STK32B: variants seen among roughly 807,000 people sequenced by gnomAD.
STK32B encodes the protein serine/threonine kinase 32B, also known as serine/threonine-protein kinase 32B.
In STK32B, 43 loss-of-function variants were observed where a neutral mutation model predicts 52.6. The ratio of observed to expected loss-of-function variants is 0.82; its 90% CI spans 0.64 to 1.05. STK32B has a LOEUF of 1.05. STK32B is among the 50% of genes least tolerant of loss of function. The pLI is 0.00. For synonymous variants in STK32B, 238 were observed against 204.3 expected (o/e 1.17, Z -1.41); for missense variants, 621 against 534.6 (o/e 1.16, Z -1.59).
rs375685115 is a variant in STK32B, at chr4:5,215,263, G to A, written c.260+46813G>A. Among the ~76,000 whole-genome samples the A allele has an allele frequency of 1.3e-4, 20 of 152,338 alleles. No homozygotes were observed. The South Asian group carries it at 4.1e-3, about 32-fold the overall frequency. ...TCTTGGAATCTGCAGGGACAGTGAT[G>A]TGAACTGCAATTCTCAACAGTTAGT... On this transcript the variant is annotated intron_variant, in intron 3 of 11. Coordinates refer to ENST00000282908, the MANE Select transcript of STK32B (RefSeq NM_018401.3).
intron 3 of STK32B, among the ~76,000 whole-genome samples, chr4:5,210,047 G>A (rs576167827): frequency 3.9e-5 from 6 of 152,254 alleles, no homozygotes; most frequent in African/African-American, 9.6e-5. Context: ...TAAATTGTGC[G>A]TCATTGAAGC....
chr4:5,070,906 G>A (rs1711727686), intron 1 of STK32B, among the ~76,000 whole-genome samples: 1 of 152,116 alleles, frequency 6.6e-6, no homozygotes, highest in Admixed American at 6.6e-5. Flanking sequence ...ACAAGAAGGC[G>A]TTCCTAGGCA....
chr4:5,176,361 A>G (rs2108747652), intron 3 of STK32B, among the ~76,000 whole-genome samples: 1 of 151,924 alleles, frequency 6.6e-6, no homozygotes, highest in Non-Finnish European at 1.5e-5. Context: ...CCTCAGTTCG[A>G]AATGCAGAAA....
At position 5,460,212 on chromosome 4, in the gene STK32B, C is replaced by T; in HGVS notation, c.893C>T (p.Pro298Leu). The T allele has an allele frequency of 1.2e-6, 2 of 1,612,922 alleles. No individual in the cohort carries two copies. Among genetic ancestry groups the T allele is most frequent in the Non-Finnish European group, 8.5e-7 (1 of 1,179,414 alleles). ...WDAVFKKALM[P>L]GFVPNKGRLN... The stretch of plus-strand genomic sequence containing the variant: ...GCGGTGTTCAAGAAGGCACTGATGC[C>T]CGGCTTTGTGCCCAATGTGAGTGGA... The change falls in exon 9 of 12, where the codon CCC (proline) becomes CTC (leucine). Residue 298 changes from proline (P) to leucine (L), a missense_variant. Physicochemically the swap from Pro to Leu is moderately conservative, Grantham distance 98. Transcript: ENST00000282908. This position sits in a 1 kb window ranked among gnomAD's most constrained non-coding sequence, Gnocchi z 4.8.
chr4:5,248,725 A>G (rs187527581), intron 3 of STK32B, among the ~76,000 whole-genome samples: 84 of 152,296 alleles, frequency 5.5e-4, no homozygotes, highest in African/African-American at 1.9e-3. Context: ...GCACATATAC[A>G]CCGTGGAATA....
rs749253750 is a variant in STK32B, at chr4:5,453,546, G to A, written c.667-3261G>A. ...TTTGCACCTCCTTTTCAGGGTAGGG[G>A]TGGGACTGTTTTGGGCAGAACTGTT... On this transcript the variant is annotated intron_variant, in intron 7 of 11. Transcript: ENST00000282908. This position sits in a 1 kb window ranked among gnomAD's most constrained non-coding sequence, Gnocchi z 4.0. 6.6e-6 allele frequency among the ~76,000 whole-genome samples: 1 copy of A among 152,040 alleles called. No homozygotes were observed. Among genetic ancestry groups the A allele is most frequent in the Non-Finnish European group, 1.5e-5 (1 of 68,024 alleles).
intron 1 of STK32B, among the ~76,000 whole-genome samples, chr4:5,108,005 A>C (rs535095569): frequency 6.6e-6 from 1 of 152,330 alleles, no homozygotes; most frequent in East Asian, 1.9e-4. Context: ...CACATCAATA[A>C]ATGCAACATT....
At chr4:5,167,836 G>A (rs1718998593) in intron 2 of STK32B, among the ~76,000 whole-genome samples, 1 of 152,228 alleles carries the variant, frequency 6.6e-6, no homozygotes, top group Non-Finnish European at 1.5e-5. Context: ...CTCAGGGAGA[G>A]AAATGCAGGA....
intron 5 of STK32B, among the ~76,000 whole-genome samples, chr4:5,411,438 TAACAATGA>T (rs1711668318): frequency 6.6e-6 from 1 of 152,134 alleles, no homozygotes; most frequent in Admixed American, 6.5e-5. Context: ...AGACAAAAAG[TAACAATGA>T]AACAATAAAA....
chr4:5,335,194 G>A (rs539541906), intron 4 of STK32B, among the ~76,000 whole-genome samples: 7 of 152,076 alleles, frequency 4.6e-5, no homozygotes, highest in Non-Finnish European at 1.0e-4. Flanking sequence ...CTTCTTCCTG[G>A]TTTAGTCTTG....
chr4:5,246,958 C>A (rs187567160), intron 3 of STK32B, among the ~76,000 whole-genome samples: 1 of 152,268 alleles, frequency 6.6e-6, no homozygotes, highest in Admixed American at 6.5e-5. Context: ...AAGTACCCGG[C>A]TGTATAAGGT....
At chr4:5,250,720 G>A (rs1018206233) in intron 3 of STK32B, among the ~76,000 whole-genome samples, 1 of 152,082 alleles carries the variant, frequency 6.6e-6, no homozygotes, top group East Asian at 1.9e-4. Flanking sequence ...AACCTCTCCA[G>A]CAATTGTTAT....
At position 5,450,447 on chromosome 4, in the gene STK32B, T is replaced by G. The variant is rs113587411; in HGVS notation, c.666+3671T>G. On this transcript the variant is annotated intron_variant, in intron 7 of 11. Coordinates refer to ENST00000282908, the MANE Select transcript of STK32B (RefSeq NM_018401.3). ...ATCTGTTCATTGATTATCCTCAGGA[T>G]CCAGGGAGCGTTGTACCTCCAGAAA... Among the ~76,000 whole-genome samples, 125 of 152,302 alleles carry G rather than the reference T, an allele frequency of 8.2e-4. 1 individual carries two copies. The highest frequency in any genetic ancestry group is 2.9e-3 in the African/African-American group (119 of 41,570).
chr4:5,213,313 T>A (rs1240469455), intron 3 of STK32B, among the ~76,000 whole-genome samples: 3 of 152,192 alleles, frequency 2.0e-5, no homozygotes, highest in African/African-American at 7.2e-5. Flanking sequence ...TTTGCTTTCA[T>A]CCTTGTCTCA....
chr4:5,456,812 G>A lies in STK32B; in HGVS notation c.672G>A (p.Pro224=), dbSNP rs771148473. The A allele has an allele frequency of 1.1e-5, 18 of 1,576,590 alleles. No individual in the cohort carries two copies. Among genetic ancestry groups the A allele is most frequent in the South Asian group, 2.4e-5 (2 of 84,232 alleles). ...CTGTTGTTCTTTGATTGCAGAGGCC[G>A]TACGAAATCCACTCGGTCACGCCCA... ...TAYELLRGWR[P]YEIHSVTPID... is the part of the protein sequence containing the mutation. Residue 224 remains proline, a synonymous_variant, in exon 8 of 12, where the codon CCG becomes CCA. Coordinates refer to ENST00000282908, the MANE Select transcript of STK32B (RefSeq NM_018401.3).
Position 5,406,458 on chromosome 4 carries a change from C to T in STK32B, c.472+8214C>T, listed in dbSNP as rs113394572. Among the ~76,000 whole-genome samples, 527 of 152,246 alleles carry T rather than the reference C, an allele frequency of 3.5e-3. 6 individuals are homozygous for T. The highest frequency in any genetic ancestry group is 0.012 in the African/African-American group (489 of 41,502). On this transcript the variant is annotated intron_variant, in intron 5 of 11. Transcript: ENST00000282908. The stretch of plus-strand genomic sequence containing the variant: ...ACTTTCTGTGGGGGCTCCAACCCCA[C>T]ATTTCCCCTTCACCCTTCCCTAGTA...
At chr4:5,048,056 A>G (rs747843170), upstream of STK32B, among the ~76,000 whole-genome samples, 93 of 152,092 alleles carry the variant, frequency 6.1e-4, no homozygotes, top group Non-Finnish European at 5.4e-4. Flanking sequence ...TGCTGGAAGA[A>G]GCATGGAGAC....
intron 11 of STK32B, among the ~76,000 whole-genome samples, chr4:5,491,937 T>C (rs928627588): frequency 3.9e-5 from 6 of 152,246 alleles, no homozygotes; most frequent in Non-Finnish European, 5.9e-5. Flanking sequence ...CATTGATGTA[T>C]ATCTCTCTTT....
At position 5,439,301 on chromosome 4, in the gene STK32B, G is replaced by C. The variant is rs531964825; in HGVS notation, c.563-7372G>C. Among the ~76,000 whole-genome samples the C allele has an allele frequency of 1.6e-4, 25 of 151,602 alleles. No individual in the cohort carries two copies. In the South Asian group the frequency reaches 5.0e-3, roughly 30 times the overall value. On this transcript the variant is annotated intron_variant, in intron 6 of 11. Transcript: ENST00000282908. ...CTTTTTAATGATTGCCATTCTAACT[G>C]GTGTGAGATGGTATTTCATTGTGGT...
Sources: gnomAD v4.1 joint callset for allele counts (sites outside exome capture counted in the v4.1 genomes callset) on GRCh38, gnomAD v4.1.1 for gene constraint, Gnocchi (gnomAD v3.1) non-coding constraint, MANE v1.5 for transcripts, NCBI Gene and HGNC (gene_info 2026-07-23, HGNC 2026-07-21) for gene names.